H6PD: variants seen among roughly 807,000 people sequenced by gnomAD.
The protein encoded by H6PD is hexose-6-phosphate dehydrogenase/glucose 1-dehydrogenase.
A neutral mutation model predicts 61.2 loss-of-function variants in H6PD; 48 were observed. That is an observed-to-expected ratio of 0.78 (90% confidence interval 0.62 to 1.00). The LOEUF is 1.00. H6PD is among the 50% of genes least tolerant of loss of function. The probability of loss-of-function intolerance (pLI) is 0.00; values close to 1 mark genes in which losing one functional copy is unlikely to be tolerated. For missense variants in H6PD, 1,093 were observed against 1,065.0 expected (o/e 1.03, Z -0.37); for synonymous variants, 480 against 457.9 (o/e 1.05, Z -0.62).
At chr1:9,252,736 C>T (rs933300729) in intron 3 of H6PD, among the ~76,000 whole-genome samples, 6 of 152,108 alleles carry the variant, frequency 3.9e-5, no homozygotes, top group South Asian at 2.1e-4. Context: ...AGTAGAATGA[C>T]GGGGCCAAAG....
rs1180085532 is a variant in H6PD at position 9,263,863 on chromosome 1, C to T, written c.1370C>T (p.Ala457Val). 1.2e-6 allele frequency: 2 copies of T among 1,614,062 alleles called. No individual in the cohort carries two copies. Among genetic ancestry groups the T allele is most frequent in the Non-Finnish European group, 1.7e-6 (2 of 1,180,012 alleles). The change falls in exon 5 of 5, where the codon GCC becomes GTC. Residue 457 changes from alanine (A) to valine (V), a missense_variant. Ala to Val is a moderately conservative substitution (Grantham distance 64). Coordinates refer to ENST00000377403, the MANE Select transcript of H6PD (RefSeq NM_004285.4). ...TACAGCCCTGTGCGGGAGCGGGACG[C>T]CCACTCCGTCCTCTTATCCCATATC... Reference protein sequence around the residue: ...YAYSPVRERDAHSVLLSHIFH... With the variant: ...YAYSPVRERDVHSVLLSHIFH...
Position 9,264,222 on chromosome 1 carries a change from C to G in H6PD, c.1729C>G (p.Arg577Gly). Residue 577 changes from arginine to glycine, a missense_variant, in exon 5 of 5, where the codon CGA becomes GGA. By Grantham distance (125) the Arg-to-Gly change is moderately radical. Transcript: ENST00000377403. ...TAATGACATCGAGGCCACCGCTGTG[C>G]GAGCCGTGCGGCGCTTTGGCCAGTT... ...LANDIEATAVRAVRRFGQFHL... is the reference protein window; with the variant it reads ...LANDIEATAVGAVRRFGQFHL... 3 of 1,609,828 alleles carry G rather than the reference C, an allele frequency of 1.9e-6. No individual in the cohort carries two copies. Among genetic ancestry groups the G allele is most frequent in the East Asian group, 2.2e-5 (1 of 44,762 alleles).
chr1:9,236,174 A>G (rs1017111625), intron 1 of H6PD, among the ~76,000 whole-genome samples: 2 of 152,094 alleles, frequency 1.3e-5, no homozygotes, highest in African/African-American at 4.8e-5. Context: ...ATTTTTTAGT[A>G]GAAACAGGGT....
At chr1:9,248,622 C>G (rs1641260066) in intron 3 of H6PD, among the ~76,000 whole-genome samples, 1 of 148,328 alleles carries the variant, frequency 6.7e-6, no homozygotes, top group Non-Finnish European at 1.5e-5. Flanking sequence ...CATAGTGAGC[C>G]TCCGTCTCTG....
Position 9,245,660 on chromosome 1 carries a change from G to A in H6PD, c.627+99G>A, listed in dbSNP as rs1641150968. 1.6e-6 allele frequency: 2 copies of A among 1,254,890 alleles called. No individual in the cohort carries two copies. The highest frequency in any genetic ancestry group is 2.3e-6 in the Non-Finnish European group (2 of 869,726). The allele number at this position is 1,254,890 out of a possible 1,614,324, so 77.7% of individuals were successfully genotyped here. On this transcript the variant is annotated intron_variant, in intron 2 of 4. Transcript: ENST00000377403. The surrounding 1 kb of genome is among the most constrained non-coding windows in gnomAD (Gnocchi z 4.8). ...GCTCATTGTGGAGCTAGGCCCCAAGGCATTGTGAACTCAGAGCTCCCATGG... is the reference window on the plus strand; with the variant it reads ...GCTCATTGTGGAGCTAGGCCCCAAGACATTGTGAACTCAGAGCTCCCATGG...
chr1:9,263,281 T>A (rs979862674), intron 4 of H6PD, among the ~76,000 whole-genome samples: 9 of 152,068 alleles, frequency 5.9e-5, no homozygotes, highest in Admixed American at 5.9e-4. Flanking sequence ...GGGGCCTCAA[T>A]GAAGGCAGGT....
intron 1 of H6PD, among the ~76,000 whole-genome samples, chr1:9,239,068 A>G (rs1280631495): frequency 6.6e-6 from 1 of 150,934 alleles, no homozygotes; most frequent in Non-Finnish European, 1.5e-5. Context: ...TTTTTTTGAG[A>G]CAGAGTCTCA....
rs2100433120 is a variant in H6PD at position 9,271,253 on chromosome 1, A to G, written c.*6384A>G. The G allele has an allele frequency of 1.3e-5, 2 of 152,288 alleles. No homozygotes were observed. Among genetic ancestry groups the G allele is most frequent in the Admixed American group, 1.3e-4 (2 of 15,302 alleles). The allele number at this position is 152,288 out of a possible 1,614,324, so 9.4% of individuals were successfully genotyped here. ...CTGGCCAGAACAAATGCCTTTTTAA[A>G]CCTTTTAAGAACATTTTTAAAATGT... is the stretch of plus-strand genomic sequence containing the variant. On this transcript the variant is annotated 3_prime_UTR_variant, in exon 5 of 5. Coordinates refer to ENST00000377403, the MANE Select transcript of H6PD (RefSeq NM_004285.4).
intron 1 of H6PD, among the ~76,000 whole-genome samples, chr1:9,239,367 G>A (rs1446657964): frequency 6.6e-6 from 1 of 152,176 alleles, no homozygotes; most frequent in Non-Finnish European, 1.5e-5. Context: ...TGAGATGAGA[G>A]AGGAACAAGG....
In H6PD at chr1:9,235,061, G is replaced by A. The variant is rs1157197172; in HGVS notation, c.-16G>A. 6.8e-6 allele frequency: 1 copy of A among 148,090 alleles called. No homozygotes were observed. Among genetic ancestry groups the A allele is most frequent in the East Asian group, 2.0e-4 (1 of 5,078 alleles). The allele number at this position is 148,090 out of a possible 1,614,324, so 9.2% of individuals were successfully genotyped here. On this transcript the variant is annotated 5_prime_UTR_variant, in exon 1 of 5. Coordinates refer to ENST00000377403, the MANE Select transcript of H6PD (RefSeq NM_004285.4). Reference sequence around the variant, plus strand: ...AGGAGCGGCCTGCGCCGCCGCGCGAGAGGAAGTAAGCGCCCCCCGCCGGCC... The same window carrying A: ...AGGAGCGGCCTGCGCCGCCGCGCGAAAGGAAGTAAGCGCCCCCCGCCGGCC...
intron 3 of H6PD, among the ~76,000 whole-genome samples, chr1:9,258,277 C>G (rs61785091): frequency 1.7e-5 from 1 of 60,232 alleles, no homozygotes; most frequent in African/African-American, 3.7e-5. Flanking sequence ...TGTTACGTTG[C>G]TGTTGTTACA....
intron 3 of H6PD, among the ~76,000 whole-genome samples, chr1:9,247,720 G>A (rs1405151190): frequency 3.9e-5 from 6 of 152,166 alleles, no homozygotes; most frequent in Admixed American, 3.9e-4. Flanking sequence ...GTATACACCC[G>A]GGAGGCGGGG....
At chr1:9,244,469 AG>A (rs1429553833) in intron 1 of H6PD, among the ~76,000 whole-genome samples, 6 of 152,168 alleles carry the variant, frequency 3.9e-5, no homozygotes, top group Admixed American at 3.9e-4. Flanking sequence ...GGCAAGTGAG[AG>A]GAGGTGGTCC....
intron 3 of H6PD, among the ~76,000 whole-genome samples, chr1:9,251,863 G>A (rs1395176348): frequency 1.3e-5 from 2 of 149,998 alleles, no homozygotes; most frequent in Non-Finnish European, 3.0e-5. Context: ...GATTGCAGCT[G>A]GCTCTTAGTT....
intron 2 of H6PD, among the ~76,000 whole-genome samples, chr1:9,246,269 T>G (rs1192359175): frequency 6.6e-6 from 1 of 152,216 alleles, no homozygotes; most frequent in Non-Finnish European, 1.5e-5. Flanking sequence ...CAAAATGTTT[T>G]TCTTCCTGAG....
chr1:9,242,728 C>A, intron 1 of H6PD: 1 of 985,486 alleles, frequency 1.0e-6, no homozygotes, highest in Non-Finnish European at 1.2e-6. Context: ...TTGTACCAGG[C>A]ACGTCCAGAG....
intron 1 of H6PD, among the ~76,000 whole-genome samples, chr1:9,235,330 A>G (rs1241683807): frequency 6.6e-6 from 1 of 152,036 alleles, no homozygotes; most frequent in Non-Finnish European, 1.5e-5. Flanking sequence ...GACCTGCTTA[A>G]TCTTTGGCAT....
chr1:9,252,700 T>C (rs1381602181), intron 3 of H6PD, among the ~76,000 whole-genome samples: 2 of 152,352 alleles, frequency 1.3e-5, no homozygotes, highest in African/African-American at 2.4e-5. Flanking sequence ...TTAAAAAACA[T>C]ATTCCCTTTA....
intron 1 of H6PD, among the ~76,000 whole-genome samples, chr1:9,236,885 C>G (rs1640863011): frequency 6.6e-6 from 1 of 152,134 alleles, no homozygotes; most frequent in African/African-American, 2.4e-5. Context: ...CAAAAACTAG[C>G]CCTTGAAGGT....
Sources: gnomAD v4.1 joint callset for allele counts (sites outside exome capture counted in the v4.1 genomes callset) on GRCh38, gnomAD v4.1.1 for gene constraint, Gnocchi (gnomAD v3.1) non-coding constraint, MANE v1.5 for transcripts, NCBI Gene and HGNC (gene_info 2026-07-23, HGNC 2026-07-21) for gene names.